SEC16A: variants seen among roughly 807,000 people sequenced by gnomAD.
SEC16A encodes the protein SEC16 homolog A, endoplasmic reticulum export factor.
SEC16A carries 110 observed loss-of-function variants against 221.9 expected under a neutral mutation model. The observed-to-expected ratio is 0.50, with a 90% confidence interval of 0.42 to 0.58. SEC16A has a LOEUF of 0.58. Ranked by LOEUF, SEC16A falls within the 20% of genes least tolerant of loss-of-function variation. SEC16A has a pLI of 0.00. For missense variants in SEC16A, 3,165 were observed against 3,097.8 expected, an observed-to-expected ratio of 1.02 and a Z score of -0.52; for synonymous variants, 1,393 against 1,257.7, an observed-to-expected ratio of 1.11 and a Z score of -2.28.
chr9:136,453,638 C>T, intron 21 of SEC16A, 128 bp from the exon 22 acceptor site: 2 of 719,820 alleles, frequency 2.8e-6, no homozygotes, highest in South Asian at 3.2e-5. Context: ...TCTGCAGAAA[C>T]CAAGGCTGAA....
chr9:136,453,078 A>AAG (rs1049338313), intron 22 of SEC16A, among the ~76,000 whole-genome samples: 7 of 98,200 alleles, frequency 7.1e-5, no homozygotes, highest in Non-Finnish European at 1.7e-4. Context: ...TCAAAAAAAA[A>AAG]AAAAAGAAAA....
At chr9:136,484,548 G>A (rs1338873727), upstream of SEC16A, 6 of 1,305,302 alleles carry the variant, frequency 4.6e-6, no homozygotes, top group South Asian at 3.8e-5. Context: ...CGTGGTGGGG[G>A]TGCCCGCCCG....
chr9:136,443,166 A>G (rs1836439844), intron 31 of SEC16A, among the ~76,000 whole-genome samples: 3 of 152,208 alleles, frequency 2.0e-5, no homozygotes, highest in Admixed American at 2.0e-4. Context: ...AGCCAAGCAC[A>G]TTTTACAAAC....
intron 31 of SEC16A, among the ~76,000 whole-genome samples, 180 bp downstream of exon 31, chr9:136,443,643 G>A (rs1836517905): frequency 2.0e-5 from 3 of 152,140 alleles, no homozygotes; most frequent in South Asian, 2.1e-4. Flanking sequence ...ATCAGAGATC[G>A]CACCACTGCA....
chr9:136,474,349 T>A lies in SEC16A; in HGVS notation c.3267A>T (p.Ala1089=), dbSNP rs768291665. ...GTGCTGAGTTCTGGGCCTGTCCCTG[T>A]GCGGGCAGACTTTCTGGATTTGACA... ...SELSNPESLP[A]QGQAQNSAQS... Residue 1089 remains alanine (A), a synonymous_variant, in exon 3 of 32, where the codon GCA becomes GCT. Coordinates refer to ENST00000684901, the MANE Select transcript of SEC16A (RefSeq NM_014866.2). The A allele has an allele frequency of 2.5e-6, 4 of 1,612,568 alleles. No individual in the cohort carries two copies. Among genetic ancestry groups the A allele is most frequent in the Middle Eastern group, 1.6e-4 (1 of 6,084 alleles).
At chr9:136,472,608 C>T (rs1446366284) in intron 3 of SEC16A, among the ~76,000 whole-genome samples, 1 of 152,226 alleles carries the variant, frequency 6.6e-6, no homozygotes, top group African/African-American at 2.4e-5. Flanking sequence ...CAGGAGCAGC[C>T]TCTAAAAGCG....
chr9:136,457,321 G>C lies in SEC16A; in HGVS notation c.5550+123C>G, dbSNP rs73566961. 4,409 of 1,086,510 alleles carry C rather than the reference G, an allele frequency of 4.1e-3. 143 individuals carry two copies. In the African/African-American group the frequency reaches 0.061, roughly 15 times the overall value. 67.3% of individuals were successfully genotyped at this position (1,086,510 alleles called of 1,614,324 possible). A position where few individuals can be genotyped will look rare whatever the true frequency, so the allele number is the denominator to read the frequency against. ...AAGATCTTTATCCGCCCAAGAGGCAGGTTCTGAGCGCCTACCACAATGCGC... is the reference window on the plus strand; with the variant it reads ...AAGATCTTTATCCGCCCAAGAGGCACGTTCTGAGCGCCTACCACAATGCGC... On this transcript the variant is annotated intron_variant, in intron 18 of 31. Coordinates refer to ENST00000684901, the MANE Select transcript of SEC16A (RefSeq NM_014866.2).
At chr9:136,470,008 T>A (rs1400625941) in intron 4 of SEC16A, among the ~76,000 whole-genome samples, 4 of 152,212 alleles carry the variant, frequency 2.6e-5, no homozygotes, top group Non-Finnish European at 5.9e-5. Flanking sequence ...CAGTCATTCA[T>A]CAGGAGCAAC....
chr9:136,470,258 G>A (rs1253867143), intron 4 of SEC16A, among the ~76,000 whole-genome samples: 4 of 152,242 alleles, frequency 2.6e-5, no homozygotes, highest in Admixed American at 2.0e-4. Context: ...CTGCGGATCT[G>A]GTGACAAAGC....
At chr9:136,462,529 C>T (rs370659689) in intron 12 of SEC16A, among the ~76,000 whole-genome samples, 1 of 152,244 alleles carries the variant, frequency 6.6e-6, no homozygotes, top group African/African-American at 2.4e-5. Context: ...GGGCTGTGGA[C>T]TCGAGTCTGA....
chr9:136,478,878 A>C (rs1405635522), intron 1 of SEC16A, among the ~76,000 whole-genome samples, 48 bp from the exon 2 acceptor site: 2 of 152,218 alleles, frequency 1.3e-5, no homozygotes, highest in Non-Finnish European at 2.9e-5. Context: ...TCATTTTTTT[A>C]AAAAGCACTG....
chr9:136,484,014 G>T, upstream of SEC16A: 1 of 171,074 alleles, frequency 5.8e-6, no homozygotes, highest in Non-Finnish European at 1.2e-5. Context: ...GCAGGGAGGG[G>T]CGGCCCGGCC....
upstream of SEC16A, chr9:136,483,436 CTT>C: frequency 1.3e-6 from 1 of 741,996 alleles, no homozygotes; most frequent in Non-Finnish European, 1.6e-6. Flanking sequence ...GTTCCCGCCC[CTT>C]TGGCCCCGCC....
At chr9:136,451,555 G>T in intron 22 of SEC16A, 147 bp from the exon 23 acceptor site, 1 of 957,650 alleles carries the variant, frequency 1.0e-6, no homozygotes, top group Non-Finnish European at 1.5e-6. Flanking sequence ...GCAGGAAGGG[G>T]GCTGGGGAGA....
At chr9:136,483,688 G>A, upstream of SEC16A, 1 of 985,544 alleles carries the variant, frequency 1.0e-6, no homozygotes, top group Non-Finnish European at 1.2e-6. Flanking sequence ...GATGCCAGCA[G>A]GCTCACGCAC....
At chr9:136,484,247 G>A (rs1001611182), upstream of SEC16A, 3 of 603,648 alleles carry the variant, frequency 5.0e-6, no homozygotes, top group Admixed American at 1.1e-4. Flanking sequence ...CGTCGGTGGC[G>A]AGTGGGCCCG....
In SEC16A at chr9:136,471,986, C is replaced by A; in HGVS notation, c.3693G>T (p.Arg1231=). ...GGGCGCGGCCGCACCTGGGAGGTGGCCGTTCCGAGGAGTGGCTGGCTCGGG... is the reference window on the plus strand; with the variant it reads ...GGGCGCGGCCGCACCTGGGAGGTGGACGTTCCGAGGAGTGGCTGGCTCGGG... ...PSSRASHSSE[R]PPPRQGYPEG... is the part of the protein sequence containing the mutation. Residue 1231 remains arginine (R), a synonymous_variant, in exon 4 of 32, where the codon CGG becomes CGT. Coordinates refer to ENST00000684901, the MANE Select transcript of SEC16A (RefSeq NM_014866.2). 1.2e-6 allele frequency: 2 copies of A among 1,611,946 alleles called. No homozygotes were observed. The highest frequency in any genetic ancestry group is 2.2e-5 in the South Asian group (2 of 91,086).
Position 136,476,255 on chromosome 9 carries a change from G to A in SEC16A, c.1361C>T (p.Ser454Leu), listed in dbSNP as rs754780144. The A allele has an allele frequency of 1.4e-5, 22 of 1,613,356 alleles. No individual in the cohort carries two copies. Among genetic ancestry groups the A allele is most frequent in the Middle Eastern group, 1.7e-4 (1 of 6,058 alleles). The part of the protein sequence containing the change: ...ASTGVPDASG[S>L]QYENVENLEF... ...TAAGTTCTCAACATTCTCATACTGC[G>A]AGCCGCTGGCATCCGGCACCCCTGT... is the stretch of plus-strand genomic sequence containing the variant. Residue 454 changes from serine (S) to leucine (L), a missense_variant, in exon 3 of 32, where the codon TCG becomes TTG. Ser to Leu is a moderately radical substitution (Grantham distance 145, BLOSUM62 -2). Coordinates refer to ENST00000684901, the MANE Select transcript of SEC16A (RefSeq NM_014866.2).
intron 3 of SEC16A, 126 bp from the exon 4 acceptor site, chr9:136,472,237 C>T (rs1840975175): frequency 9.1e-7 from 1 of 1,098,526 alleles, no homozygotes; most frequent in African/African-American, 1.5e-5. Flanking sequence ...GCAAGCTCGT[C>T]CAACAACCAG....
Sources: gnomAD v4.1 joint callset for allele counts (sites outside exome capture counted in the v4.1 genomes callset) on GRCh38, gnomAD v4.1.1 for gene constraint, MANE v1.5 for transcripts, NCBI Gene and HGNC (gene_info 2026-07-23, HGNC 2026-07-21) for gene names.